IGSF21: variants seen among roughly 807,000 people sequenced by gnomAD.
The protein encoded by IGSF21 is immunoglobin superfamily member 21.
A neutral mutation model predicts 46.8 loss-of-function variants in IGSF21; 28 were observed. The observed-to-expected ratio is 0.60, with a 90% confidence interval of 0.44 to 0.82. The LOEUF (loss-of-function observed/expected upper bound fraction) is 0.82, where lower values mean the gene tolerates loss of function less well. IGSF21 is among the 40% of genes least tolerant of loss of function. The pLI, the probability that IGSF21 is intolerant of heterozygous loss-of-function variation, is 0.00. For missense variants in IGSF21, 624 were observed against 665.5 expected, an observed-to-expected ratio of 0.94 and a Z score of 0.69; for synonymous variants, 284 against 273.6, an observed-to-expected ratio of 1.04 and a Z score of -0.38.
At chr1:18,166,560 C>G (rs923327421) in intron 1 of IGSF21, among the ~76,000 whole-genome samples, 4 of 152,186 alleles carry the variant, frequency 2.6e-5, no homozygotes, top group African/African-American at 9.6e-5. Context: ...ATCTCTAGAA[C>G]GCGTAGCTCC....
intron 3 of IGSF21, among the ~76,000 whole-genome samples, chr1:18,330,218 A>C (rs2085698704): frequency 6.6e-6 from 1 of 152,122 alleles, no homozygotes; most frequent in Non-Finnish European, 1.5e-5. Context: ...GAAAAGACCA[A>C]ATTTTAGATG....
intron 4 of IGSF21, among the ~76,000 whole-genome samples, chr1:18,338,937 A>G (rs548395330): frequency 5.3e-5 from 8 of 152,058 alleles, no homozygotes; most frequent in Admixed American, 2.0e-4. Context: ...GTTACAATCA[A>G]TTAGATGTTG....
At position 18,365,256 on chromosome 1, in the gene IGSF21, G is replaced by A. The variant is rs150815051; in HGVS notation, c.574G>A (p.Ala192Thr). The stretch of plus-strand genomic sequence containing the variant: ...CAAACGAGATGGGGAACCAATCGAC[G>A]CAGTGCCCCTATCAGAGCCACCAGC... ...YFKRDGEPID[A>T]VPLSEPPAAS... The change falls in exon 6 of 10, where the codon GCA (alanine) becomes ACA (threonine). Residue 192 changes from alanine (A) to threonine (T), a missense_variant. Transcript: ENST00000251296. The surrounding 1 kb of genome is among the most constrained non-coding windows in gnomAD (Gnocchi z 4.8). 6.8e-6 allele frequency: 11 copies of A among 1,610,998 alleles called. No homozygotes were observed. The African/African-American group carries it at 9.4e-5, about 14-fold the overall frequency.
chr1:18,202,506 C>T (rs1261489175), intron 1 of IGSF21, among the ~76,000 whole-genome samples: 1 of 152,120 alleles, frequency 6.6e-6, no homozygotes, highest in African/African-American at 2.4e-5. Flanking sequence ...GCTGAGGAGG[C>T]CTCAGAAAAC....
intron 1 of IGSF21, among the ~76,000 whole-genome samples, chr1:18,124,651 G>T (rs2086260617): frequency 6.6e-6 from 1 of 152,154 alleles, no homozygotes; most frequent in South Asian, 2.1e-4. Context: ...GAAGGTCACA[G>T]GGCTGCCCTT....
At chr1:18,292,576 C>T (rs1217048593) in intron 3 of IGSF21, among the ~76,000 whole-genome samples, 20 of 152,216 alleles carry the variant, frequency 1.3e-4, no homozygotes, top group Non-Finnish European at 1.0e-4. Context: ...CTGACTCGAT[C>T]TTCCAGAGCC....
Position 18,365,139 on chromosome 1 carries a change from T to C in IGSF21, c.541-84T>C. On this transcript the variant is annotated intron_variant, in intron 5 of 9. Coordinates refer to ENST00000251296, the MANE Select transcript of IGSF21 (RefSeq NM_032880.5). This position sits in a 1 kb window ranked among gnomAD's most constrained non-coding sequence, Gnocchi z 4.8. ...CTATGCTCTGGAAGAACTGGCATCC[T>C]GTGCCCAGTTCATCGGAGAACCCAC... The C allele has an allele frequency of 2.9e-6, 3 of 1,030,282 alleles. No individual in the cohort carries two copies. Among genetic ancestry groups the C allele is most frequent in the Non-Finnish European group, 4.4e-6 (3 of 680,806 alleles). The allele number at this position is 1,030,282 out of a possible 1,614,324, so 63.8% of individuals were successfully genotyped here.
chr1:18,253,198 C>G (rs1019630886), intron 2 of IGSF21, among the ~76,000 whole-genome samples: 1 of 151,102 alleles, frequency 6.6e-6, no homozygotes, highest in Non-Finnish European at 1.5e-5. Context: ...TACCCAGCCC[C>G]GTGTTTCTCT....
chr1:18,335,022 G>A lies in IGSF21; in HGVS notation c.424+12G>A. 2 of 1,578,180 alleles carry A rather than the reference G, an allele frequency of 1.3e-6. No individual in the cohort carries two copies. The highest frequency in any genetic ancestry group is 1.7e-6 in the Non-Finnish European group (2 of 1,147,130). ...CCTCAACGTCATGGGTGAGTGCAGG[G>A]CCACTGGCCCCTGGTGTCTCAGTGA... On this transcript the variant is annotated intron_variant, in intron 4 of 9. Transcript: ENST00000251296. The surrounding 1 kb of genome is among the most constrained non-coding windows in gnomAD (Gnocchi z 4.8).
At chr1:18,323,505 T>A (rs572974262) in intron 3 of IGSF21, among the ~76,000 whole-genome samples, 1 of 152,288 alleles carries the variant, frequency 6.6e-6, no homozygotes, top group African/African-American at 2.4e-5. Flanking sequence ...CCCCTCGTTC[T>A]CACCCTTCAA....
chr1:18,137,374 T>C (rs992140385), intron 1 of IGSF21, among the ~76,000 whole-genome samples: 3 of 152,148 alleles, frequency 2.0e-5, no homozygotes, highest in Admixed American at 6.5e-5. Context: ...ATAGGAGATT[T>C]AGGTGGGGAC....
chr1:18,348,874 T>C (rs2085922194), intron 4 of IGSF21, among the ~76,000 whole-genome samples: 1 of 152,106 alleles, frequency 6.6e-6, no homozygotes, highest in African/African-American at 2.4e-5. Flanking sequence ...CTGGACTCAG[T>C]TTCCCCATCT....
intron 1 of IGSF21, among the ~76,000 whole-genome samples, chr1:18,183,999 G>C (rs183422347): frequency 4.2e-4 from 64 of 152,186 alleles, no homozygotes; most frequent in African/African-American, 1.4e-3. Context: ...GGTATTTGCC[G>C]AACACCAGTT....
At chr1:18,124,115 C>T (rs1262322352) in intron 1 of IGSF21, among the ~76,000 whole-genome samples, 3 of 152,224 alleles carry the variant, frequency 2.0e-5, no homozygotes, top group African/African-American at 7.2e-5. Flanking sequence ...GCAGCTGCGA[C>T]AGCCACACTA....
intron 2 of IGSF21, among the ~76,000 whole-genome samples, chr1:18,242,049 G>A (rs2084734798): frequency 1.3e-5 from 2 of 152,128 alleles, no homozygotes; most frequent in Non-Finnish European, 2.9e-5. Context: ...GCTTCAGGCT[G>A]TCCTCATCAT....
chr1:18,349,389 A>G (rs1030498812), intron 4 of IGSF21, among the ~76,000 whole-genome samples: 2 of 152,142 alleles, frequency 1.3e-5, no homozygotes, highest in African/African-American at 4.8e-5. Flanking sequence ...GCAAGCTAAG[A>G]GATGAGGAAG....
chr1:18,178,614 C>T (rs755602065), intron 1 of IGSF21, among the ~76,000 whole-genome samples: 19 of 152,174 alleles, frequency 1.2e-4, no homozygotes, highest in Admixed American at 2.0e-4. Flanking sequence ...TATTATTCTA[C>T]GAGCATAGAT....
chr1:18,334,835 G>A lies in IGSF21; in HGVS notation c.306-57G>A, dbSNP rs2085749579. 3.8e-6 allele frequency: 5 copies of A among 1,300,344 alleles called. No homozygotes were observed. The highest frequency in any genetic ancestry group is 1.5e-5 in the African/African-American group (1 of 68,848). The allele number at this position is 1,300,344 out of a possible 1,614,324, so 80.6% of individuals were successfully genotyped here. On this transcript the variant is annotated intron_variant, in intron 3 of 9. Coordinates refer to ENST00000251296, the MANE Select transcript of IGSF21 (RefSeq NM_032880.5). The surrounding 1 kb of genome is among the most constrained non-coding windows in gnomAD (Gnocchi z 4.3). Reference sequence around the variant, plus strand: ...GGCATCAGGATGAGTTTCCTTGAACGCTGCCTCACCCAGCCCCACGATGAA... The same window carrying A: ...GGCATCAGGATGAGTTTCCTTGAACACTGCCTCACCCAGCCCCACGATGAA...
intron 4 of IGSF21, among the ~76,000 whole-genome samples, chr1:18,350,661 A>G (rs2085943103): frequency 6.6e-6 from 1 of 151,986 alleles, no homozygotes; most frequent in African/African-American, 2.4e-5. Context: ...TCCCACAAAA[A>G]AAAATACCCC....
Sources: allele counts gnomAD v4.1 joint callset (sites outside exome capture counted in the v4.1 genomes callset), GRCh38; gene constraint gnomAD v4.1.1; non-coding constraint Gnocchi (gnomAD v3.1); transcripts MANE v1.5; gene names NCBI Gene and HGNC (gene_info 2026-07-23, HGNC 2026-07-21).